Variants in PTPRR observed in about 807,000 individuals in gnomAD.
The protein encoded by PTPRR is protein tyrosine phosphatase receptor type R.
Under a neutral mutation model 77.2 loss-of-function variants are expected in PTPRR, and 38 were observed. That is an observed-to-expected ratio of 0.49 (90% CI 0.38 to 0.65). The LOEUF (loss-of-function observed/expected upper bound fraction) is 0.65. Among genes scored for constraint, PTPRR ranks in the 30% least tolerant of loss-of-function variants. PTPRR has a pLI of 0.00. For missense variants in PTPRR, 744 were observed against 799.2 expected (o/e 0.93, Z 0.83); for synonymous variants, 299 against 283.1 (o/e 1.06, Z -0.57).
intron 8 of PTPRR, among the ~76,000 whole-genome samples, chr12:70,695,456 C>T (rs1888198933): frequency 6.6e-6 from 1 of 152,118 alleles, no homozygotes; most frequent in African/African-American, 2.4e-5. Context: ...ATTCAGCCTG[C>T]AGACATTTTC....
At position 70,696,728 on chromosome 12, in the gene PTPRR, A is replaced by G. The variant is rs75773250; in HGVS notation, c.1279+1537T>C. Reference sequence around the variant, plus strand: ...CTGTAAATCAATTTTATAACATTCAATTAGCCCCAAAATAAATACAGGTCC... The same window carrying G: ...CTGTAAATCAATTTTATAACATTCAGTTAGCCCCAAAATAAATACAGGTCC... On this transcript the variant is annotated intron_variant, in intron 8 of 13. Transcript: ENST00000283228. Among the ~76,000 whole-genome samples the G allele has an allele frequency of 2.3e-3, 351 of 152,274 alleles. 3 individuals carry two copies. The highest frequency in any genetic ancestry group is 7.4e-3 in the African/African-American group (306 of 41,554).
intron 13 of PTPRR, among the ~76,000 whole-genome samples, chr12:70,642,862 G>C (rs1886057400): frequency 6.6e-6 from 1 of 152,136 alleles, no homozygotes; most frequent in African/African-American, 2.4e-5. Flanking sequence ...ATATAGAATA[G>C]TCTATTGGCT....
At chr12:70,739,744 G>T (rs1200577711) in intron 6 of PTPRR, among the ~76,000 whole-genome samples, 2 of 152,154 alleles carry the variant, frequency 1.3e-5, no homozygotes, top group African/African-American at 4.8e-5. Context: ...ATACATCACT[G>T]TGGGCACAAA....
chr12:70,657,914 CATT>C (rs1410538350), intron 12 of PTPRR, among the ~76,000 whole-genome samples: 1 of 152,150 alleles, frequency 6.6e-6, no homozygotes, highest in Admixed American at 6.5e-5. Context: ...GCAGTGATCT[CATT>C]ATAGTTTCCA....
chr12:70,807,118 A>T (rs1409003044), intron 2 of PTPRR, among the ~76,000 whole-genome samples: 2 of 152,176 alleles, frequency 1.3e-5, no homozygotes, highest in Admixed American at 6.5e-5. Context: ...TTCCTTAAAC[A>T]CTGACATGAT....
At chr12:70,656,593 T>C in intron 13 of PTPRR, 111 bp downstream of exon 13, 2 of 743,134 alleles carry the variant, frequency 2.7e-6, no homozygotes, top group Non-Finnish European at 4.7e-6. Context: ...CAAGCATCTC[T>C]ACAGAGATTT....
chr12:70,854,259 T>C (rs1378759245), intron 2 of PTPRR, among the ~76,000 whole-genome samples: 1 of 152,230 alleles, frequency 6.6e-6, no homozygotes, highest in African/African-American at 2.4e-5. Flanking sequence ...TATTAAGGGC[T>C]GGCAAAGAAG....
intron 6 of PTPRR, among the ~76,000 whole-genome samples, chr12:70,735,969 A>G (rs2136900661): frequency 6.6e-6 from 1 of 152,314 alleles, no homozygotes; most frequent in Middle Eastern, 3.4e-3. Flanking sequence ...ACCTCCACTG[A>G]CAATCACACA....
intron 1 of PTPRR, among the ~76,000 whole-genome samples, chr12:70,906,348 AT>A (rs1699698850): frequency 6.6e-6 from 1 of 152,058 alleles, no homozygotes; most frequent in Non-Finnish European, 1.5e-5. Flanking sequence ...TTCTAAAGAA[AT>A]AAGTTTTTCC....
chr12:70,662,735 T>A, intron 10 of PTPRR, 130 bp from the exon 11 acceptor site: 1 of 547,470 alleles, frequency 1.8e-6, no homozygotes, highest in Non-Finnish European at 3.2e-6. Context: ...TTTATAGTTT[T>A]GTAAATATAC....
chr12:70,813,602 T>C (rs1311684536), intron 2 of PTPRR, among the ~76,000 whole-genome samples: 1 of 152,058 alleles, frequency 6.6e-6, no homozygotes, highest in East Asian at 1.9e-4. Context: ...CTAGACCAAA[T>C]ATGTGAAGCA....
intron 1 of PTPRR, 135 bp from the exon 2 acceptor site, chr12:70,893,112 C>G: frequency 1.1e-6 from 1 of 948,476 alleles, no homozygotes. Context: ...CTCCATATTT[C>G]TTTGTCTGCT....
Position 70,788,865 on chromosome 12 carries a change from C to T in PTPRR, c.358-24087G>A. 4 of 1,521,692 alleles carry T rather than the reference C, an allele frequency of 2.6e-6. No individual in the cohort carries two copies. The South Asian group carries it at 3.7e-5, about 14-fold the overall frequency. The allele number at this position is 1,521,692 out of a possible 1,614,324, so 94.3% of individuals were successfully genotyped here. On this transcript the variant is annotated intron_variant, in intron 2 of 13. Transcript: ENST00000283228. The stretch of plus-strand genomic sequence containing the variant: ...GTGATGAAGTCGACTTCCATTTGCA[C>T]TCTTCTTTGTGTTATTTCCTTACCA...
At chr12:70,881,149 T>C (rs962881764) in intron 2 of PTPRR, among the ~76,000 whole-genome samples, 4 of 152,172 alleles carry the variant, frequency 2.6e-5, no homozygotes, top group Admixed American at 6.6e-5. Flanking sequence ...ACTTGATGGC[T>C]CAAGTCACAT....
chr12:70,693,716 GC>G (rs1358869100), intron 8 of PTPRR, among the ~76,000 whole-genome samples: 1 of 149,712 alleles, frequency 6.7e-6, no homozygotes, highest in Non-Finnish European at 1.5e-5. Context: ...AAAAAAAAAA[GC>G]CAAGAATTAA....
intron 6 of PTPRR, among the ~76,000 whole-genome samples, chr12:70,721,495 G>A (rs757607723): frequency 3.2e-4 from 49 of 152,090 alleles, no homozygotes; most frequent in Admixed American, 3.1e-3. Flanking sequence ...ATCAAAAGGT[G>A]GACTATTGTG....
chr12:70,853,304 TG>T (rs1338066824), intron 2 of PTPRR, among the ~76,000 whole-genome samples: 2 of 152,230 alleles, frequency 1.3e-5, no homozygotes, highest in East Asian at 3.9e-4. Flanking sequence ...TGTCATCACA[TG>T]GCTGGTAGTG....
chr12:70,679,628 A>G (rs1025075490), intron 10 of PTPRR, among the ~76,000 whole-genome samples: 2 of 152,070 alleles, frequency 1.3e-5, no homozygotes, highest in African/African-American at 4.8e-5. Context: ...CCCATGTATC[A>G]TTATATAATG....
intron 2 of PTPRR, among the ~76,000 whole-genome samples, chr12:70,850,412 G>A (rs1892553625): frequency 6.6e-6 from 1 of 151,876 alleles, no homozygotes; most frequent in East Asian, 1.9e-4. Flanking sequence ...AGATCAATAG[G>A]GCAGCAATTT....
Sources: gnomAD v4.1 joint callset for allele counts (sites outside exome capture counted in the v4.1 genomes callset) on GRCh38, gnomAD v4.1.1 for gene constraint, MANE v1.5 for transcripts, NCBI Gene and HGNC (gene_info 2026-07-23, HGNC 2026-07-21) for gene names.